The following ADGRB3 variants were observed in gnomAD, a reference collection of about 807,000 sequenced individuals.
The protein encoded by ADGRB3 is brain-specific angiogenesis inhibitor 3.
ADGRB3 carries 37 observed loss-of-function variants against 193.4 expected under a neutral mutation model. That is an observed-to-expected ratio of 0.19 (90% CI 0.15 to 0.25). The LOEUF is 0.25. Ranked by LOEUF, ADGRB3 falls within the 10% of genes least tolerant of loss-of-function variation. The probability of loss-of-function intolerance (pLI) is 1.00; values close to 1 mark genes in which losing one functional copy is unlikely to be tolerated. For missense variants in ADGRB3, 1,637 were observed against 1,852.9 expected (o/e 0.88, Z 2.14); for synonymous variants, 690 against 644.2 (o/e 1.07, Z -1.08).
At chr6:68,883,481 C>G (rs553724747) in intron 3 of ADGRB3, among the ~76,000 whole-genome samples, 26 of 152,294 alleles carry the variant, frequency 1.7e-4, no homozygotes, top group African/African-American at 5.1e-4. Flanking sequence ...CTTGTTGCTT[C>G]TCGCTCATTG....
At chr6:68,843,550 T>C (rs1164107033) in intron 3 of ADGRB3, among the ~76,000 whole-genome samples, 1 of 152,074 alleles carries the variant, frequency 6.6e-6, no homozygotes, top group Non-Finnish European at 1.5e-5. Flanking sequence ...AGATATTCCA[T>C]GTTCATGGAT....
intron 17 of ADGRB3, among the ~76,000 whole-genome samples, chr6:69,119,527 T>C (rs1773626158): frequency 6.6e-6 from 1 of 152,220 alleles, no homozygotes; most frequent in Non-Finnish European, 1.5e-5. Flanking sequence ...TGGGATATGG[T>C]CAGCATAACA....
At chr6:69,253,787 T>C (rs573272624) in intron 20 of ADGRB3, among the ~76,000 whole-genome samples, 1 of 152,268 alleles carries the variant, frequency 6.6e-6, no homozygotes, top group South Asian at 2.1e-4. Flanking sequence ...ATATTTTCAA[T>C]ATATCAAACA....
intron 13 of ADGRB3, among the ~76,000 whole-genome samples, chr6:69,032,650 A>G (rs913792368): frequency 2.0e-5 from 3 of 152,220 alleles, no homozygotes; most frequent in South Asian, 2.1e-4. Flanking sequence ...AATCTGGACT[A>G]AATTATTCCT....
At chr6:69,158,328 C>T (rs1774900155) in intron 17 of ADGRB3, among the ~76,000 whole-genome samples, 2 of 151,734 alleles carry the variant, frequency 1.3e-5, no homozygotes, top group South Asian at 2.1e-4. Flanking sequence ...CTTCCTTCCC[C>T]CATCTCTCAT....
chr6:69,067,309 C>T (rs952643327), intron 16 of ADGRB3, among the ~76,000 whole-genome samples: 1 of 151,968 alleles, frequency 6.6e-6, no homozygotes, highest in African/African-American at 2.4e-5. Context: ...GCCATATTTG[C>T]GTGCATTCTA....
intron 3 of ADGRB3, among the ~76,000 whole-genome samples, chr6:68,880,352 T>C (rs1765700415): frequency 6.6e-6 from 1 of 152,216 alleles, no homozygotes; most frequent in African/African-American, 2.4e-5. Flanking sequence ...CTTCCTTTCC[T>C]ATACAACTAT....
rs146316853 is a variant in ADGRB3, at chr6:68,838,261, C to G, written c.758-92298C>G. Among the ~76,000 whole-genome samples, 340 of 152,258 alleles carry G rather than the reference C, an allele frequency of 2.2e-3. 3 individuals are homozygous for G. The highest frequency in any genetic ancestry group is 7.7e-3 in the African/African-American group (319 of 41,552). On this transcript the variant is annotated intron_variant, in intron 3 of 31. Transcript: ENST00000370598. ...AAATGAGGAATTAATGTTAACAGAT[C>G]AGAGGGACACCCAAAACTGACTAGA...
chr6:68,984,970 G>A (rs1769029269), intron 10 of ADGRB3, among the ~76,000 whole-genome samples: 1 of 151,972 alleles, frequency 6.6e-6, no homozygotes, highest in South Asian at 2.1e-4. Context: ...GGAAATGTGT[G>A]TCTTTCCAAG....
chr6:69,163,196 C>T (rs1775042807), intron 17 of ADGRB3, among the ~76,000 whole-genome samples: 1 of 152,066 alleles, frequency 6.6e-6, no homozygotes. Flanking sequence ...CTCACATCAG[C>T]CCAAGACAGC....
At chr6:69,037,640 T>C (rs1023267040) in intron 13 of ADGRB3, among the ~76,000 whole-genome samples, 3 of 151,960 alleles carry the variant, frequency 2.0e-5, no homozygotes, top group Admixed American at 6.6e-5. Flanking sequence ...AATGTGGTGT[T>C]GTTGTTCTCT....
chr6:69,083,596 G>T (rs781072810), intron 17 of ADGRB3, among the ~76,000 whole-genome samples: 1 of 152,070 alleles, frequency 6.6e-6, no homozygotes, highest in East Asian at 1.9e-4. Context: ...GATAGATCAA[G>T]ATGAGAATAA....
At chr6:69,169,119 G>A (rs1775205570) in intron 17 of ADGRB3, among the ~76,000 whole-genome samples, 1 of 151,792 alleles carries the variant, frequency 6.6e-6, no homozygotes, top group Admixed American at 6.6e-5. Context: ...ATGCTGCCTG[G>A]GAAACAGATA....
chr6:69,018,002 C>G (rs890920446), intron 12 of ADGRB3, among the ~76,000 whole-genome samples: 1 of 151,814 alleles, frequency 6.6e-6, no homozygotes, highest in Non-Finnish European at 1.5e-5. Flanking sequence ...AATATTAACT[C>G]TTTTTCCTCT....
At chr6:69,256,953 G>T in intron 20 of ADGRB3, among the ~76,000 whole-genome samples, 1 of 149,140 alleles carries the variant, frequency 6.7e-6, no homozygotes, top group East Asian at 1.9e-4. Flanking sequence ...TGCATCTATT[G>T]AGATAATCAT....
At chr6:69,374,674 A>G (rs1010196071) in intron 30 of ADGRB3, among the ~76,000 whole-genome samples, 2 of 152,074 alleles carry the variant, frequency 1.3e-5, no homozygotes, top group African/African-American at 4.8e-5. Context: ...GCTTTCTGGA[A>G]ACTATACAGA....
chr6:68,658,030 T>C (rs1382507553), intron 3 of ADGRB3, among the ~76,000 whole-genome samples: 1 of 151,474 alleles, frequency 6.6e-6, no homozygotes, highest in Non-Finnish European at 1.5e-5. Context: ...ACTTTGTATT[T>C]ATTTATTTGT....
chr6:68,809,381 C>T (rs1767467668), intron 3 of ADGRB3, among the ~76,000 whole-genome samples: 1 of 152,190 alleles, frequency 6.6e-6, no homozygotes, highest in African/African-American at 2.4e-5. Flanking sequence ...AAAAAGTTTG[C>T]ATGCCAACAT....
intron 29 of ADGRB3, among the ~76,000 whole-genome samples, chr6:69,363,735 A>T (rs902498294): frequency 1.2e-4 from 18 of 152,042 alleles, no homozygotes; most frequent in Non-Finnish European, 2.2e-4. Flanking sequence ...AGTGTGTACA[A>T]CTAACACATT....
Sources: gnomAD v4.1 joint callset for allele counts (sites outside exome capture counted in the v4.1 genomes callset) on GRCh38, gnomAD v4.1.1 for gene constraint, MANE v1.5 for transcripts, NCBI Gene and HGNC (gene_info 2026-07-23, HGNC 2026-07-21) for gene names.